The following AXDND1 variants were observed in gnomAD, a reference collection of about 807,000 sequenced individuals.
AXDND1 encodes axonemal dynein light chain domain containing 1, also known as axonemal dynein light chain domain-containing protein 1.
AXDND1 carries 110 observed loss-of-function variants against 137.5 expected under a neutral mutation model. The observed-to-expected ratio is 0.80, with a 90% CI of 0.69 to 0.94. The LOEUF (loss-of-function observed/expected upper bound fraction) is 0.94, where lower values mean the gene tolerates loss of function less well. Ranked by LOEUF, AXDND1 falls within the 40% of genes least tolerant of loss-of-function variation. The pLI is 0.00. For synonymous variants in AXDND1, 414 were observed against 399.7 expected, an observed-to-expected ratio of 1.04 and a Z score of -0.43; for missense variants, 1,191 against 1,169.8, an observed-to-expected ratio of 1.02 and a Z score of -0.26.
Position 179,540,016 on chromosome 1 carries a change from C to T in AXDND1, c.3031+5054C>T, listed in dbSNP as rs1671966599. Among the ~76,000 whole-genome samples the T allele has an allele frequency of 2.0e-5, 3 of 152,024 alleles. No homozygotes were observed. In the South Asian group the frequency reaches 6.2e-4, roughly 32 times the overall value. On this transcript the variant is annotated intron_variant, in intron 25 of 25. Coordinates refer to ENST00000367618, the MANE Select transcript of AXDND1 (RefSeq NM_144696.6). ...AAGATTGTGTATGCGTCACGAAGTT[C>T]TCATGCTGTGTTTTTCAGCTCCGTC...
intron 8 of AXDND1, among the ~76,000 whole-genome samples, chr1:179,384,921 G>T (rs1425583467): frequency 1.3e-5 from 2 of 151,900 alleles, no homozygotes; most frequent in African/African-American, 4.8e-5. Flanking sequence ...GTGCCACCAT[G>T]GCTGGCTAAT....
chr1:179,471,996 G>A (rs1664000417), intron 17 of AXDND1, among the ~76,000 whole-genome samples: 1 of 151,902 alleles, frequency 6.6e-6, no homozygotes, highest in South Asian at 2.1e-4. Flanking sequence ...CCAGATTCAA[G>A]CAATTCTCCT....
At chr1:179,481,918 T>C (rs959479625) in intron 17 of AXDND1, among the ~76,000 whole-genome samples, 3 of 152,178 alleles carry the variant, frequency 2.0e-5, no homozygotes, top group Non-Finnish European at 4.4e-5. Context: ...TCTAGTTGTC[T>C]TAGTGCCTGG....
At chr1:179,457,227 T>C in intron 16 of AXDND1, 2 of 723,602 alleles carry the variant, frequency 2.8e-6, no homozygotes, top group Non-Finnish European at 5.0e-6. Flanking sequence ...CATTCCTCAT[T>C]GCTCAAAATG....
At chr1:179,464,245 G>T (rs913896651) in intron 16 of AXDND1, among the ~76,000 whole-genome samples, 2 of 152,150 alleles carry the variant, frequency 1.3e-5, no homozygotes, top group East Asian at 3.9e-4. Flanking sequence ...TTTTGCAGTG[G>T]CTGGTGCCAG....
intron 12 of AXDND1, among the ~76,000 whole-genome samples, chr1:179,422,323 T>C (rs1283821150): frequency 6.6e-6 from 1 of 152,222 alleles, no homozygotes; most frequent in Non-Finnish European, 1.5e-5. Flanking sequence ...GATTTTTGTA[T>C]GCTGTTTTTA....
At chr1:179,533,987 C>A in intron 24 of AXDND1, 110 bp downstream of exon 24, 1 of 818,316 alleles carries the variant, frequency 1.2e-6, no homozygotes, top group South Asian at 1.5e-5. Context: ...TTTCTTTATC[C>A]ACATTAGGGG....
chr1:179,465,454 A>G (rs1291343720), intron 16 of AXDND1, among the ~76,000 whole-genome samples: 1 of 152,170 alleles, frequency 6.6e-6, no homozygotes, highest in African/African-American at 2.4e-5. Flanking sequence ...CAGAATGGCA[A>G]ATGTTTCTGC....
At chr1:179,543,714 C>A (rs765901057) in intron 25 of AXDND1, 1 of 152,110 alleles carries the variant, frequency 6.6e-6, no homozygotes, top group Non-Finnish European at 1.5e-5. Context: ...CTGTCCTGCC[C>A]CAGGACCCAG....
chr1:179,429,924 A>T (rs1480313056), intron 13 of AXDND1, among the ~76,000 whole-genome samples: 1 of 149,506 alleles, frequency 6.7e-6, no homozygotes, highest in Non-Finnish European at 1.5e-5. Flanking sequence ...TAGTTGCATT[A>T]TCAATTTTAT....
intron 11 of AXDND1, among the ~76,000 whole-genome samples, chr1:179,404,451 A>T (rs1394650012): frequency 6.6e-6 from 1 of 151,008 alleles, no homozygotes; most frequent in Non-Finnish European, 1.5e-5. Context: ...CGAACTCCTG[A>T]CCTCAGGTGA....
At chr1:179,461,450 G>A (rs1415809416) in intron 16 of AXDND1, among the ~76,000 whole-genome samples, 1 of 152,024 alleles carries the variant, frequency 6.6e-6, no homozygotes, top group East Asian at 1.9e-4. Flanking sequence ...TTTGGTTACT[G>A]TAGCCTTGTA....
intron 20 of AXDND1, among the ~76,000 whole-genome samples, chr1:179,495,259 A>G (rs1042773554): frequency 6.6e-6 from 1 of 152,128 alleles, no homozygotes; most frequent in Non-Finnish European, 1.5e-5. Context: ...AATTGATATT[A>G]TATCTATTGA....
At chr1:179,386,050 C>CTTTTTTTTT (rs71111980) in intron 9 of AXDND1, among the ~76,000 whole-genome samples, 1 of 102,426 alleles carries the variant, frequency 9.8e-6, no homozygotes, top group African/African-American at 3.9e-5. Flanking sequence ...GGATTTTTTC[C>CTTTTTTTTT]TTTTTTTTTT....
At chr1:179,547,690 T>C (rs1388800331) in intron 25 of AXDND1, among the ~76,000 whole-genome samples, 2 of 152,208 alleles carry the variant, frequency 1.3e-5, no homozygotes, top group Non-Finnish European at 2.9e-5. Flanking sequence ...AGTTATACTT[T>C]AGGCTACCTC....
chr1:179,369,028 A>T, intron 3 of AXDND1, 56 bp downstream of exon 3: 1 of 1,463,184 alleles, frequency 6.8e-7, no homozygotes, highest in South Asian at 1.2e-5. Context: ...GCATCTGATT[A>T]TTCTTTAAGT....
intron 6 of AXDND1, among the ~76,000 whole-genome samples, chr1:179,380,023 G>A (rs948118432): frequency 2.6e-5 from 4 of 152,140 alleles, no homozygotes; most frequent in African/African-American, 9.7e-5. Flanking sequence ...GCTGAGGCGA[G>A]CAGATCACGA....
chr1:179,406,790 G>T (rs1653041597), intron 11 of AXDND1, among the ~76,000 whole-genome samples: 1 of 152,006 alleles, frequency 6.6e-6, no homozygotes, highest in East Asian at 1.9e-4. Context: ...TGTTTAGGTT[G>T]CATTTTTATA....
At chr1:179,449,019 A>G (rs1660137092) in intron 16 of AXDND1, 1 of 347,422 alleles carries the variant, frequency 2.9e-6, no homozygotes, top group Non-Finnish European at 5.7e-6. Flanking sequence ...CTGAGTAGCT[A>G]GGACTACAGG....
Sources: gnomAD v4.1 joint callset for allele counts (sites outside exome capture counted in the v4.1 genomes callset) on GRCh38, gnomAD v4.1.1 for gene constraint, MANE v1.5 for transcripts, NCBI Gene and HGNC (gene_info 2026-07-23, HGNC 2026-07-21) for gene names.